SCAF1: variants seen among roughly 807,000 people sequenced by gnomAD.
The protein encoded by SCAF1 is splicing factor, arginine/serine-rich 19.
A neutral mutation model predicts 91.2 loss-of-function variants in SCAF1; 28 were observed. The ratio of observed to expected loss-of-function variants is 0.31; its 90% confidence interval spans 0.23 to 0.42. The LOEUF is 0.42. Ranked by LOEUF, SCAF1 falls within the 10% of genes least tolerant of loss-of-function variation. The pLI is 1.00. For missense variants in SCAF1, 1,893 were observed against 1,872.1 expected (o/e 1.01, Z -0.21); for synonymous variants, 1,036 against 833.7 (o/e 1.24, Z -4.18).
At position 49,653,491 on chromosome 19, in the gene SCAF1, GGAA is replaced by G. The variant is rs1568445405; in HGVS notation, c.3105_3107del (p.Glu1039del). The stretch of plus-strand genomic sequence containing the variant: ...AGGAAGAAGAAGAGGAGGAGGAAGA[GGAA>G]GAGGAGGAGGAGCAGCAGCCTGCTA... On this transcript the variant is annotated inframe_deletion, in exon 7 of 11. Transcript: ENST00000360565. 3.2e-6 allele frequency: 5 copies of G among 1,561,066 alleles called. No individual in the cohort carries two copies. Among genetic ancestry groups the G allele is most frequent in the Middle Eastern group, 1.8e-4 (1 of 5,638 alleles).
chr19:49,650,843 CCT>C, intron 6 of SCAF1, 23 bp from the exon 7 acceptor site: 2 of 1,583,168 alleles, frequency 1.3e-6, no homozygotes, highest in Non-Finnish European at 1.7e-6. Flanking sequence ...GCCCTGACCG[CCT>C]CTCTCTCCCT....
In SCAF1 at chr19:49,651,253, A is replaced by G. The variant is rs764217789; in HGVS notation, c.864A>G (p.Glu288=). The G allele has an allele frequency of 8.1e-6, 13 of 1,612,110 alleles. No individual in the cohort carries two copies. Among genetic ancestry groups the G allele is most frequent in the Non-Finnish European group, 1.1e-5 (13 of 1,179,690 alleles). The change falls in exon 7 of 11, where the codon GAA becomes GAG. Residue 288 remains glutamate, a synonymous_variant. Transcript: ENST00000360565. The stretch of plus-strand genomic sequence containing the variant: ...AAGAGGAAGACGAGGAGGAGGAGGA[A>G]GGCCTGTCCCAGAGCATCAGCCGCA... The part of the protein sequence containing the change: ...EEEEEDEEEE[E]GLSQSISRIS...
chr19:49,657,426 C>T (rs1001097370), intron 9 of SCAF1, among the ~76,000 whole-genome samples: 2 of 152,252 alleles, frequency 1.3e-5, no homozygotes, highest in African/African-American at 4.8e-5. Flanking sequence ...TGATTCAAAA[C>T]CAGCTGCAAT....
At chr19:49,644,410 C>T (rs2081043121) in intron 1 of SCAF1, among the ~76,000 whole-genome samples, 1 of 152,270 alleles carries the variant, frequency 6.6e-6, no homozygotes, top group South Asian at 2.1e-4. Flanking sequence ...TGAAGTTTAG[C>T]GTTTTCATTT....
intron 9 of SCAF1, among the ~76,000 whole-genome samples, chr19:49,655,612 A>G (rs1292439104): frequency 6.6e-6 from 1 of 152,032 alleles, no homozygotes; most frequent in East Asian, 1.9e-4. Flanking sequence ...GTGATCTGCC[A>G]GCCTCGGCCT....
intron 10 of SCAF1, 124 bp from the exon 11 acceptor site, chr19:49,658,084 G>A: frequency 2.4e-6 from 3 of 1,244,992 alleles, no homozygotes; most frequent in Non-Finnish European, 3.4e-6. Context: ...TAGGGGGACA[G>A]AGGGACTTTG....
rs1440250736 is a variant in SCAF1 at position 49,653,110 on chromosome 19, G to A, written c.2721G>A (p.Gly907=). The stretch of plus-strand genomic sequence containing the variant: ...AGACCAAGGTCAAGGCCAAGGCAGG[G>A]GCCAAGAAAACCAAGGGGACCAAGG... The part of the protein sequence containing the change: ...PKKTKVKAKA[G]AKKTKGTKGK... The change falls in exon 7 of 11, where the codon GGG becomes GGA. Residue 907 remains glycine, a synonymous_variant. Coordinates refer to ENST00000360565, the MANE Select transcript of SCAF1 (RefSeq NM_021228.3). 1 of 1,612,160 alleles carries A rather than the reference G, an allele frequency of 6.2e-7. No homozygotes were observed. Among genetic ancestry groups the A allele is most frequent in the Admixed American group, 1.7e-5 (1 of 59,690 alleles).
At position 49,648,582 on chromosome 19, in the gene SCAF1, C is replaced by T. The variant is rs933707043; in HGVS notation, c.478+1752C>T. ...CACACCCCCCCCCCTTTTTTTTTAA[C>T]AGCTGGAAATGATTTATCCATTAAG... On this transcript the variant is annotated intron_variant, in intron 6 of 10. Coordinates refer to ENST00000360565, the MANE Select transcript of SCAF1 (RefSeq NM_021228.3). 1.4e-4 allele frequency among the ~76,000 whole-genome samples: 18 copies of T among 129,512 alleles called. No homozygotes were observed. The East Asian group carries it at 4.7e-3, about 34-fold the overall frequency. The allele number at this position is 129,512 out of a possible 152,430, so 85.0% of individuals were successfully genotyped here. A position where few individuals can be genotyped will look rare whatever the true frequency, so the allele number is the denominator to read the frequency against.
At chr19:49,650,090 T>C (rs948702705) in intron 6 of SCAF1, among the ~76,000 whole-genome samples, 10 of 152,158 alleles carry the variant, frequency 6.6e-5, no homozygotes, top group African/African-American at 2.2e-4. Flanking sequence ...GCGAATGAGG[T>C]GACATACGAA....
Position 49,652,258 on chromosome 19 carries a change from G to C in SCAF1, c.1869G>C (p.Ser623=). 7.0e-7 allele frequency: 1 copy of C among 1,436,402 alleles called. No individual in the cohort carries two copies. Among genetic ancestry groups the C allele is most frequent in the Non-Finnish European group, 9.1e-7 (1 of 1,098,868 alleles). The allele number at this position is 1,436,402 out of a possible 1,614,324, so 89.0% of individuals were successfully genotyped here. A position where few individuals can be genotyped will look rare whatever the true frequency, so the allele number is the denominator to read the frequency against. Residue 623 remains serine (S), a synonymous_variant, in exon 7 of 11, where the codon TCG becomes TCC. Coordinates refer to ENST00000360565, the MANE Select transcript of SCAF1 (RefSeq NM_021228.3). ...CGCCCCCGGCCACTTCCTCATCGTC[G>C]TCCTCGAGGCGCGAGCGGCACCGCG... is the stretch of plus-strand genomic sequence containing the variant. The part of the protein sequence containing the change: ...ASPPPATSSS[S]SSRRERHRGK...
At chr19:49,650,272 T>C (rs1448389152) in intron 6 of SCAF1, among the ~76,000 whole-genome samples, 8 of 152,190 alleles carry the variant, frequency 5.3e-5, no homozygotes, top group Non-Finnish European at 7.3e-5. Flanking sequence ...TGCCATTTCC[T>C]GGCTCTGCAC....
Position 49,653,278 on chromosome 19 carries a change from C to T in SCAF1, c.2889C>T (p.Ser963=), listed in dbSNP as rs1243850631. ...GCACCAAGGGGGCGGAGGAGACTTCCTGGTCCGGGGAGGAGCGGGCAGCCA... is the reference window on the plus strand; with the variant it reads ...GCACCAAGGGGGCGGAGGAGACTTCTTGGTCCGGGGAGGAGCGGGCAGCCA... ...AAGTKGAEET[S]WSGEERAAKV... is the part of the protein sequence containing the mutation. The change falls in exon 7 of 11, where the codon TCC becomes TCT. Residue 963 remains serine (S), a synonymous_variant. Coordinates refer to ENST00000360565, the MANE Select transcript of SCAF1 (RefSeq NM_021228.3). 1 of 1,473,938 alleles carries T rather than the reference C, an allele frequency of 6.8e-7. No homozygotes were observed. The highest frequency in any genetic ancestry group is 9.0e-7 in the Non-Finnish European group (1 of 1,110,814). The allele number at this position is 1,473,938 out of a possible 1,614,324, so 91.3% of individuals were successfully genotyped here.
rs779501247 is a variant in SCAF1, at chr19:49,645,459, C to G, written c.166+48C>G. On this transcript the variant is annotated intron_variant, in intron 3 of 10. Transcript: ENST00000360565. The surrounding 1 kb of genome is among the most constrained non-coding windows in gnomAD (Gnocchi z 4.6). ...TTAGCCCCTGCCCCCTCTCTGCATT[C>G]TTTATCCTAATGTCATTCATACAAG... 1.9e-6 allele frequency: 3 copies of G among 1,569,386 alleles called. No individual in the cohort carries two copies. The highest frequency in any genetic ancestry group is 1.1e-5 in the South Asian group (1 of 88,948).
Position 49,658,344 on chromosome 19 carries a change from A to T in SCAF1, c.3884A>T (p.Lys1295Met). The T allele has an allele frequency of 6.3e-7, 1 of 1,577,904 alleles. No individual in the cohort carries two copies. Among genetic ancestry groups the T allele is most frequent in the Non-Finnish European group, 8.6e-7 (1 of 1,164,684 alleles). The change falls in exon 11 of 11, where the codon AAG (lysine) becomes ATG (methionine). Residue 1295 changes from lysine (K) to methionine (M), a missense_variant. Around this residue, in one of 5 missense-constraint regions of SCAF1, gnomAD observed 51 missense variants for 49.9 expected, o/e 1.02. Transcript: ENST00000360565. ...GDPPGPPRPP[K>M]EPGPPDKGGP... ...CCCCCAGGGCCCCCACGGCCGCCCA[A>T]GGAGCCAGGGCCCCCAGACAAGGGT...
intron 9 of SCAF1, among the ~76,000 whole-genome samples, 172 bp from the exon 10 acceptor site, chr19:49,657,589 C>A (rs989125467): frequency 6.6e-6 from 1 of 152,216 alleles, no homozygotes; most frequent in Admixed American, 6.5e-5. Flanking sequence ...CCTTTGGTCC[C>A]GGGCACCTGC....
At chr19:49,656,428 C>T (rs180982821) in intron 9 of SCAF1, among the ~76,000 whole-genome samples, 1 of 152,306 alleles carries the variant, frequency 6.6e-6, no homozygotes, top group East Asian at 1.9e-4. Context: ...CTGCCCTTCC[C>T]AGGACTCAGT....
In SCAF1 at chr19:49,645,299, G is replaced by A; in HGVS notation, c.109-55G>A. On this transcript the variant is annotated intron_variant, in intron 2 of 10. Transcript: ENST00000360565. This position sits in a 1 kb window ranked among gnomAD's most constrained non-coding sequence, Gnocchi z 4.6. The stretch of plus-strand genomic sequence containing the variant: ...GATGTCTGTCTCCCAAGGGGCAGAG[G>A]TTGCAAAGCATCTGCCTGGGTCCTC... 6.3e-7 allele frequency: 1 copy of A among 1,595,926 alleles called. No individual in the cohort carries two copies. Among genetic ancestry groups the A allele is most frequent in the Non-Finnish European group, 8.6e-7 (1 of 1,163,990 alleles).
At position 49,653,632 on chromosome 19, in the gene SCAF1, G is replaced by A; in HGVS notation, c.3243G>A (p.Leu1081=). ...GGCCAGCTTCCCGTGTCTCCCAGCT[G>A]CCCACGTTGCCCCCGCCCATGCCCT... ...EDGPASRVSQ[L]PTLPPPMPWN... The change falls in exon 7 of 11, where the codon CTG becomes CTA. Residue 1081 remains leucine, a synonymous_variant. Transcript: ENST00000360565. 6.3e-7 allele frequency: 1 copy of A among 1,585,874 alleles called. No individual in the cohort carries two copies. The highest frequency in any genetic ancestry group is 8.5e-7 in the Non-Finnish European group (1 of 1,171,028).
chr19:49,653,346 C>G lies in SCAF1; in HGVS notation c.2957C>G (p.Pro986Arg), dbSNP rs1387708110. 3 of 1,481,920 alleles carry G rather than the reference C, an allele frequency of 2.0e-6. No homozygotes were observed. The highest frequency in any genetic ancestry group is 4.8e-5 in the Admixed American group (2 of 41,632). The allele number at this position is 1,481,920 out of a possible 1,614,324, so 91.8% of individuals were successfully genotyped here. A position where few individuals can be genotyped will look rare whatever the true frequency, so the allele number is the denominator to read the frequency against. The change falls in exon 7 of 11, where the codon CCT becomes CGT. Residue 986 changes from proline to arginine, a missense_variant. Pro to Arg is a moderately radical substitution (Grantham distance 103, BLOSUM62 -2). Transcript: ENST00000360565. ...TPPPKAAPPP[P>R]ALTPDSQTVD... Reference sequence around the variant, plus strand: ...CCCCCCAAGGCAGCCCCACCACCCCCTGCCCTCACTCCGGACTCGCAGACC... The same window carrying G: ...CCCCCCAAGGCAGCCCCACCACCCCGTGCCCTCACTCCGGACTCGCAGACC...
Sources: gnomAD v4.1 joint callset for allele counts (sites outside exome capture counted in the v4.1 genomes callset) on GRCh38, gnomAD v4.1.1 for gene constraint, gnomAD v4.1.1 regional missense constraint, Gnocchi (gnomAD v3.1) non-coding constraint, MANE v1.5 for transcripts, NCBI Gene and HGNC (gene_info 2026-07-23, HGNC 2026-07-21) for gene names.